The following CNTNAP2 variants were observed in gnomAD, a reference collection of about 807,000 sequenced individuals.
The protein encoded by CNTNAP2 is contactin-associated protein-like 2.
CNTNAP2 carries 98 observed loss-of-function variants against 155.2 expected under a neutral mutation model. That is an observed-to-expected ratio of 0.63 (90% CI 0.54 to 0.75). CNTNAP2 has a LOEUF of 0.75. CNTNAP2 is among the 30% of genes least tolerant of loss of function. The pLI is 0.00. For missense variants in CNTNAP2, 1,727 were observed against 1,688.1 expected (o/e 1.02, Z -0.40); for synonymous variants, 651 against 631.2 (o/e 1.03, Z -0.47).
At chr7:147,874,216 A>C (rs926516230) in intron 13 of CNTNAP2, among the ~76,000 whole-genome samples, 1 of 152,216 alleles carries the variant, frequency 6.6e-6, no homozygotes, top group African/African-American at 2.4e-5. Flanking sequence ...GCAGTGCCCC[A>C]GTGGGAACTC....
At chr7:147,434,927 G>C (rs1176577475) in intron 10 of CNTNAP2, among the ~76,000 whole-genome samples, 1 of 152,136 alleles carries the variant, frequency 6.6e-6, no homozygotes, top group Non-Finnish European at 1.5e-5. Context: ...ATCATCTTTT[G>C]TCTTTCCTGT....
At chr7:146,576,693 T>G (rs1031715584) in intron 1 of CNTNAP2, among the ~76,000 whole-genome samples, 2 of 152,214 alleles carry the variant, frequency 1.3e-5, no homozygotes, top group African/African-American at 2.4e-5. Flanking sequence ...ACATTTCTGT[T>G]GAGGGAAATG....
At chr7:147,274,001 T>A (rs1804829824) in intron 8 of CNTNAP2, among the ~76,000 whole-genome samples, 1 of 149,878 alleles carries the variant, frequency 6.7e-6, no homozygotes, top group African/African-American at 2.4e-5. Context: ...ATATATTACA[T>A]ATTACATATA....
chr7:146,680,154 A>G (rs971950395), intron 1 of CNTNAP2, among the ~76,000 whole-genome samples: 1 of 152,178 alleles, frequency 6.6e-6, no homozygotes. Flanking sequence ...ACCACTTTAT[A>G]CATGAGGACT....
chr7:148,295,978 G>A (rs984737357), intron 21 of CNTNAP2, among the ~76,000 whole-genome samples: 8 of 152,114 alleles, frequency 5.3e-5, no homozygotes, highest in Admixed American at 5.2e-4. Flanking sequence ...ATATATACAT[G>A]CAAAAGATAA....
At chr7:146,677,042 G>GA (rs1397531471) in intron 1 of CNTNAP2, among the ~76,000 whole-genome samples, 1 of 152,198 alleles carries the variant, frequency 6.6e-6, no homozygotes, top group East Asian at 1.9e-4. Context: ...GAGGTCCTGA[G>GA]AACATGTGCC....
At chr7:146,734,949 C>A (rs1040480782) in intron 1 of CNTNAP2, among the ~76,000 whole-genome samples, 8 of 151,998 alleles carry the variant, frequency 5.3e-5, no homozygotes, top group African/African-American at 1.9e-4. Flanking sequence ...AGGAGTACAG[C>A]GTGTATATAT....
chr7:147,759,774 C>T (rs747153410), intron 13 of CNTNAP2, among the ~76,000 whole-genome samples: 13 of 152,186 alleles, frequency 8.5e-5, no homozygotes, highest in Admixed American at 3.9e-4. Context: ...GGTTACGAAA[C>T]AGCTCCATTT....
intron 2 of CNTNAP2, among the ~76,000 whole-genome samples, chr7:146,807,240 T>A (rs1278779861): frequency 6.6e-6 from 1 of 152,206 alleles, no homozygotes; most frequent in Non-Finnish European, 1.5e-5. Flanking sequence ...AATTAGAATC[T>A]TACAGTTTAA....
At chr7:147,698,466 T>A (rs936212921) in intron 13 of CNTNAP2, among the ~76,000 whole-genome samples, 3 of 152,222 alleles carry the variant, frequency 2.0e-5, no homozygotes, top group Non-Finnish European at 4.4e-5. Context: ...TTACCAACTG[T>A]CTATTAAATA....
At chr7:147,275,585 C>G (rs753209469) in intron 8 of CNTNAP2, among the ~76,000 whole-genome samples, 14 of 151,726 alleles carry the variant, frequency 9.2e-5, no homozygotes, top group Non-Finnish European at 1.8e-4. Flanking sequence ...TTTGAAGGGA[C>G]CTTTAAGATC....
intron 11 of CNTNAP2, among the ~76,000 whole-genome samples, chr7:147,514,810 A>G (rs540225266): frequency 2.5e-4 from 38 of 152,112 alleles, no homozygotes; most frequent in African/African-American, 8.2e-4. Flanking sequence ...TCTGCTCTCA[A>G]TGACTCTATC....
intron 1 of CNTNAP2, among the ~76,000 whole-genome samples, chr7:146,451,850 G>A (rs957699297): frequency 8.8e-5 from 5 of 56,964 alleles, no homozygotes; most frequent in South Asian, 3.2e-4. Context: ...ATATATACAC[G>A]TATTCTATAT....
At chr7:147,578,759 G>C (rs144877766) in intron 12 of CNTNAP2, among the ~76,000 whole-genome samples, 2 of 151,952 alleles carry the variant, frequency 1.3e-5, no homozygotes, top group African/African-American at 4.8e-5. Flanking sequence ...TTTTCATTTA[G>C]AAAACTACAA....
chr7:148,414,360 G>A (rs961212362), intron 23 of CNTNAP2, among the ~76,000 whole-genome samples: 6 of 152,100 alleles, frequency 3.9e-5, no homozygotes, highest in African/African-American at 7.2e-5. Context: ...GATTACAGGC[G>A]CGAGCCACTG....
chr7:147,105,755 G>C (rs1004534215), intron 4 of CNTNAP2, among the ~76,000 whole-genome samples: 7 of 152,118 alleles, frequency 4.6e-5, no homozygotes, highest in African/African-American at 1.7e-4. Flanking sequence ...TTTTGTTTTA[G>C]ATAGATGGAT....
chr7:146,702,705 T>C (rs1031682945), intron 1 of CNTNAP2, among the ~76,000 whole-genome samples: 3 of 152,192 alleles, frequency 2.0e-5, no homozygotes, highest in Admixed American at 1.3e-4. Flanking sequence ...TTCAATTATC[T>C]GGAAACTCAT....
At chr7:147,906,099 C>T (rs1372471765) in intron 14 of CNTNAP2, among the ~76,000 whole-genome samples, 2 of 152,078 alleles carry the variant, frequency 1.3e-5, no homozygotes, top group Admixed American at 6.5e-5. Flanking sequence ...GGGGAACTGT[C>T]TGTGCAGTTG....
intron 1 of CNTNAP2, among the ~76,000 whole-genome samples, chr7:146,571,014 ATCATTTTCTTTAAT>A: frequency 6.6e-6 from 1 of 152,264 alleles, no homozygotes; most frequent in Admixed American, 6.5e-5. Context: ...TGTTTAGAAA[ATCATTTTCTTTAAT>A]TAAGAGATAG....
Sources: gnomAD v4.1 joint callset for allele counts (sites outside exome capture counted in the v4.1 genomes callset) on GRCh38, gnomAD v4.1.1 for gene constraint, MANE v1.5 for transcripts, NCBI Gene and HGNC (gene_info 2026-07-23, HGNC 2026-07-21) for gene names.